Variants in TSG101 observed in about 807,000 individuals in gnomAD.
The protein encoded by TSG101 is tumor susceptibility 101, also known as tumor susceptibility gene 101 protein.
In TSG101, 19 loss-of-function variants were observed where a neutral mutation model predicts 48.5. The ratio of observed to expected loss-of-function variants is 0.39; its 90% confidence interval spans 0.27 to 0.58. The LOEUF (loss-of-function observed/expected upper bound fraction) is 0.58. Ranked by LOEUF, TSG101 falls within the 20% of genes least tolerant of loss-of-function variation. The pLI, the probability that TSG101 is intolerant of heterozygous loss-of-function variation, is 0.55. For synonymous variants in TSG101, 174 were observed against 169.4 expected, an observed-to-expected ratio of 1.03 and a Z score of -0.21; for missense variants, 365 against 484.4, an observed-to-expected ratio of 0.75 and a Z score of 2.31.
rs1413750885 is a variant in TSG101 at position 18,518,408 on chromosome 11, G to T, written c.127+1111C>A. Among the ~76,000 whole-genome samples, 3 of 152,208 alleles carry T rather than the reference G, an allele frequency of 2.0e-5. No homozygotes were observed. In the East Asian group the frequency reaches 5.8e-4, roughly 29 times the overall value. On this transcript the variant is annotated intron_variant, in intron 2 of 9. Transcript: ENST00000251968. Reference sequence around the variant, plus strand: ...TTTCAGAGCTAAGGGACTCACAATGGACAAGCAGCAGCATGGGTTTTCCCT... The same window carrying T: ...TTTCAGAGCTAAGGGACTCACAATGTACAAGCAGCAGCATGGGTTTTCCCT...
chr11:18,517,566 A>G (rs780423447), intron 2 of TSG101, among the ~76,000 whole-genome samples: 1 of 152,230 alleles, frequency 6.6e-6, no homozygotes, highest in Non-Finnish European at 1.5e-5. Context: ...CCATAAGATT[A>G]TAATACTGTA....
intron 7 of TSG101, among the ~76,000 whole-genome samples, chr11:18,495,761 A>G (rs762666488): frequency 6.6e-6 from 1 of 150,916 alleles, no homozygotes; most frequent in African/African-American, 2.4e-5. Context: ...TCAAAACACT[A>G]TGTAAACTGA....
rs1235691311 is a variant in TSG101 at position 18,525,261 on chromosome 11, T to C, written c.42+1514A>G. Reference sequence around the variant, plus strand: ...ATCAATTTAAAGATCAAAAATGTCATGGAGGCCAGGTGTGGTGGCTCACGC... The same window carrying C: ...ATCAATTTAAAGATCAAAAATGTCACGGAGGCCAGGTGTGGTGGCTCACGC... On this transcript the variant is annotated intron_variant, in intron 1 of 9. Transcript: ENST00000251968. Among the ~76,000 whole-genome samples, 9 of 152,194 alleles carry C rather than the reference T, an allele frequency of 5.9e-5. No individual in the cohort carries two copies. The East Asian group carries it at 1.2e-3, about 20-fold the overall frequency.
At chr11:18,485,651 G>T (rs1407703407) in intron 7 of TSG101, among the ~76,000 whole-genome samples, 2 of 152,168 alleles carry the variant, frequency 1.3e-5, no homozygotes, top group Non-Finnish European at 2.9e-5. Context: ...TGGTATGGTG[G>T]TATTAAACCA....
At chr11:18,510,863 A>C (rs1243619328) in intron 4 of TSG101, among the ~76,000 whole-genome samples, 1 of 152,006 alleles carries the variant, frequency 6.6e-6, no homozygotes, top group Non-Finnish European at 1.5e-5. Flanking sequence ...TTGAGGCTGC[A>C]GTATGACTGC....
chr11:18,499,391 TA>T (rs1565087396), intron 7 of TSG101, among the ~76,000 whole-genome samples: 424 of 8,174 alleles, frequency 0.052, 7 homozygotes, highest in Non-Finnish European at 0.08. Context: ...AATATATATA[TA>T]TATATATATA....
intron 7 of TSG101, chr11:18,490,561 T>C: frequency 2.1e-6 from 1 of 485,820 alleles, no homozygotes; most frequent in Non-Finnish European, 4.0e-6. Context: ...GTTTGTTTGT[T>C]GTCTCCAGAT....
At chr11:18,523,462 A>C (rs1850313365) in intron 1 of TSG101, among the ~76,000 whole-genome samples, 1 of 152,156 alleles carries the variant, frequency 6.6e-6, no homozygotes, top group African/African-American at 2.4e-5. Context: ...CCTAGAACCT[A>C]AAACAGTGAG....
intron 9 of TSG101, among the ~76,000 whole-genome samples, chr11:18,480,887 C>A (rs1316844192): frequency 6.6e-6 from 1 of 152,184 alleles, no homozygotes; most frequent in Non-Finnish European, 1.5e-5. Context: ...CCATGCCACT[C>A]AAGCAAGAGA....
intron 4 of TSG101, 138 bp from the exon 5 acceptor site, chr11:18,509,803 A>C: frequency 1.1e-6 from 1 of 945,352 alleles, no homozygotes; most frequent in Non-Finnish European, 1.5e-6. Context: ...ATTTCATTTA[A>C]TTAATTTATT....
chr11:18,514,019 G>C (rs1410370255), intron 4 of TSG101, among the ~76,000 whole-genome samples: 3 of 151,994 alleles, frequency 2.0e-5, no homozygotes, highest in Non-Finnish European at 4.4e-5. Flanking sequence ...GGGAGGTGGA[G>C]GTTGTAAGTG....
At chr11:18,496,557 G>A (rs1446043117) in intron 7 of TSG101, among the ~76,000 whole-genome samples, 1 of 152,052 alleles carries the variant, frequency 6.6e-6, no homozygotes, top group South Asian at 2.1e-4. Context: ...AGGGAGCCTA[G>A]TGCAGTGACT....
intron 2 of TSG101, among the ~76,000 whole-genome samples, chr11:18,517,176 C>T (rs890260085): frequency 6.6e-6 from 1 of 151,492 alleles, no homozygotes; most frequent in East Asian, 2.0e-4. Context: ...CGTGCACTAC[C>T]ATGCCCAGCT....
At chr11:18,484,961 T>TG (rs1227583103) in intron 7 of TSG101, among the ~76,000 whole-genome samples, 4 of 116,168 alleles carry the variant, frequency 3.4e-5, no homozygotes, top group African/African-American at 1.4e-4. Flanking sequence ...TTTTTTGAGA[T>TG]GGAGTCTCAC....
At position 18,514,681 on chromosome 11, in the gene TSG101, T is replaced by C; in HGVS notation, c.354A>G (p.Lys118=). The change falls in exon 4 of 10, where the codon AAA becomes AAG. Residue 118 remains lysine, a synonymous_variant. Coordinates refer to ENST00000251968, the MANE Select transcript of TSG101 (RefSeq NM_006292.4). ...KIYLPYLHEW[K]HPQSDLLGLI... ...ACAGAACACTATGAATACTTACGTGTTTCCATTCATGTAGATAAGGAAGAT... is the reference window on the plus strand; with the variant it reads ...ACAGAACACTATGAATACTTACGTGCTTCCATTCATGTAGATAAGGAAGAT... The C allele has an allele frequency of 1.3e-6, 2 of 1,567,814 alleles. No individual in the cohort carries two copies. The highest frequency in any genetic ancestry group is 1.7e-6 in the Non-Finnish European group (2 of 1,165,426).
chr11:18,520,146 T>C (rs1850245152), intron 1 of TSG101, among the ~76,000 whole-genome samples: 2 of 152,236 alleles, frequency 1.3e-5, no homozygotes, highest in Admixed American at 6.5e-5. Context: ...ATTCATACAA[T>C]GTGATCTTTC....
intron 7 of TSG101, among the ~76,000 whole-genome samples, chr11:18,493,013 T>A (rs539960712): frequency 2.0e-5 from 3 of 152,286 alleles, no homozygotes; most frequent in African/African-American, 7.2e-5. Flanking sequence ...TTGAATATTC[T>A]CTATACCTGC....
intron 8 of TSG101, among the ~76,000 whole-genome samples, chr11:18,482,236 C>T (rs1355136074): frequency 1.3e-5 from 2 of 152,148 alleles, no homozygotes; most frequent in East Asian, 1.9e-4. Context: ...GGGCACCTGC[C>T]ATAGGAGAGT....
At chr11:18,517,255 C>T (rs760904772) in intron 2 of TSG101, among the ~76,000 whole-genome samples, 3 of 151,580 alleles carry the variant, frequency 2.0e-5, no homozygotes, top group Non-Finnish European at 2.9e-5. Flanking sequence ...CAAATGGTCT[C>T]CTGGCCTCAG....
Sources: allele counts gnomAD v4.1 joint callset (sites outside exome capture counted in the v4.1 genomes callset), GRCh38; gene constraint gnomAD v4.1.1; transcripts MANE v1.5; gene names NCBI Gene and HGNC (gene_info 2026-07-23, HGNC 2026-07-21).